The following CADM2 variants were observed in gnomAD, a reference collection of about 807,000 sequenced individuals.
CADM2 encodes the protein cell adhesion molecule 2, also known as immunoglobulin superfamily member 4D.
Under a neutral mutation model 49.8 loss-of-function variants are expected in CADM2, and 12 were observed. The observed-to-expected ratio is 0.24, with a 90% CI of 0.15 to 0.39. CADM2 has a LOEUF of 0.39. CADM2 is among the 10% of genes least tolerant of loss of function. CADM2 has a pLI of 1.00. For synonymous variants in CADM2, 214 were observed against 175.4 expected (o/e 1.22, Z -1.74); for missense variants, 378 against 492.3 (o/e 0.77, Z 2.20).
At chr3:85,021,230 T>TA (rs1304650232) in intron 1 of CADM2, among the ~76,000 whole-genome samples, 3 of 152,038 alleles carry the variant, frequency 2.0e-5, no homozygotes, top group East Asian at 1.9e-4. Context: ...TGTCGTTTTT[T>TA]AAAAAAAAGA....
chr3:85,653,578 T>C (rs989553006), intron 1 of CADM2, among the ~76,000 whole-genome samples: 14 of 151,838 alleles, frequency 9.2e-5, no homozygotes, highest in Non-Finnish European at 1.9e-4. Context: ...GATCAAGAGA[T>C]TTTTACAATT....
chr3:85,090,124 T>G (rs1269052504), intron 1 of CADM2, among the ~76,000 whole-genome samples: 1 of 152,166 alleles, frequency 6.6e-6, no homozygotes, highest in Non-Finnish European at 1.5e-5. Context: ...AAGGCGTATT[T>G]TGAACATATG....
intron 1 of CADM2, among the ~76,000 whole-genome samples, chr3:85,067,886 A>G (rs1014680259): frequency 1.3e-5 from 2 of 152,186 alleles, no homozygotes; most frequent in Non-Finnish European, 2.9e-5. Flanking sequence ...ACCTTTGTAT[A>G]CAAGGCAATC....
At chr3:85,766,324 A>G (rs1577257425) in intron 2 of CADM2, among the ~76,000 whole-genome samples, 1 of 152,124 alleles carries the variant, frequency 6.6e-6, no homozygotes, top group East Asian at 1.9e-4. Context: ...AGAATGAAAG[A>G]GCTCTCTATT....
chr3:85,736,803 T>C (rs1473599335), intron 2 of CADM2, among the ~76,000 whole-genome samples: 4 of 152,100 alleles, frequency 2.6e-5, no homozygotes, highest in African/African-American at 9.7e-5. Flanking sequence ...AAAAACAGAT[T>C]AGTAGAGACT....
chr3:86,040,640 A>C (rs1041348468), intron 8 of CADM2, among the ~76,000 whole-genome samples: 5 of 152,178 alleles, frequency 3.3e-5, no homozygotes, highest in African/African-American at 4.8e-5. Context: ...AGAATGGAAC[A>C]AAGTTGGAAA....
intron 7 of CADM2, among the ~76,000 whole-genome samples, chr3:85,945,457 C>T (rs970658200): frequency 2.0e-5 from 3 of 151,990 alleles, no homozygotes; most frequent in Non-Finnish European, 2.9e-5. Context: ...ATACCAAAGC[C>T]GGGCAGAGAC....
chr3:85,259,659 A>T (rs2042969317), intron 1 of CADM2, among the ~76,000 whole-genome samples: 1 of 152,158 alleles, frequency 6.6e-6, no homozygotes, highest in African/African-American at 2.4e-5. Context: ...TACTAGCAAG[A>T]TGAAGTGGAG....
chr3:85,869,581 T>G (rs1331978642), intron 3 of CADM2, among the ~76,000 whole-genome samples: 1 of 152,118 alleles, frequency 6.6e-6, no homozygotes, highest in Non-Finnish European at 1.5e-5. Flanking sequence ...CTAACAGAGC[T>G]CTGTACAACC....
At chr3:85,349,213 C>A (rs1380946912) in intron 1 of CADM2, among the ~76,000 whole-genome samples, 1 of 152,134 alleles carries the variant, frequency 6.6e-6, no homozygotes, top group Non-Finnish European at 1.5e-5. Context: ...ACAGCCTCTC[C>A]GCGTTTATTA....
At chr3:85,949,185 C>A (rs1723096188) in intron 7 of CADM2, among the ~76,000 whole-genome samples, 1 of 150,902 alleles carries the variant, frequency 6.6e-6, no homozygotes, top group Non-Finnish European at 1.5e-5. Context: ...GTTACAAAAT[C>A]AATTTATATG....
intron 1 of CADM2, among the ~76,000 whole-genome samples, chr3:85,588,644 A>AT (rs974731171): frequency 1.4e-4 from 21 of 151,930 alleles, no homozygotes; most frequent in African/African-American, 4.8e-4. Flanking sequence ...CTGTGTACTG[A>AT]TTTTTTTATG....
At chr3:85,213,754 A>C (rs61625828) in intron 1 of CADM2, among the ~76,000 whole-genome samples, 26,646 of 151,700 alleles carry the variant, frequency 0.18, 4,447 homozygotes, top group African/African-American at 0.44. Flanking sequence ...ATGTTTCATT[A>C]TTTTTTATAC....
At chr3:85,711,012 T>C (rs1228219463) in intron 1 of CADM2, among the ~76,000 whole-genome samples, 1 of 152,146 alleles carries the variant, frequency 6.6e-6, no homozygotes, top group Non-Finnish European at 1.5e-5. Flanking sequence ...ATTTGACTAT[T>C]TGAAAATCCT....
In CADM2 at chr3:85,346,147, C is replaced by T. The variant is rs146321831; in HGVS notation, c.62-380375C>T. Among the ~76,000 whole-genome samples the T allele has an allele frequency of 8.7e-3, 1,324 of 152,116 alleles. 16 individuals carry two copies. Among genetic ancestry groups the T allele is most frequent in the African/African-American group, 0.031 (1,275 of 41,512 alleles). ...GATATTTCAGCCAGGTATGGAAAAC[C>T]GAACTTGTGTTGAAAGGAAATGCAG... On this transcript the variant is annotated intron_variant, in intron 1 of 9. Transcript: ENST00000383699.
chr3:85,142,812 C>T (rs575411872), intron 1 of CADM2, among the ~76,000 whole-genome samples: 16 of 152,154 alleles, frequency 1.1e-4, no homozygotes, highest in East Asian at 1.9e-4. Context: ...TGAGAATTCC[C>T]GCACAGTCTC....
In CADM2 at chr3:85,189,053, T is replaced by TA. The variant is rs1307206622; in HGVS notation, c.61+229388dup. Among the ~76,000 whole-genome samples the TA allele has an allele frequency of 5.2e-3, 620 of 120,344 alleles. 4 individuals carry two copies. The highest frequency in any genetic ancestry group is 0.017 in the African/African-American group (592 of 33,914). The allele number at this position is 120,344 out of a possible 152,430, so 79.0% of individuals were successfully genotyped here. ...CTCAAAAAAATAATAATAGTAATAA[T>TA]AAATAAATAAAATAAATAAATAAAT... On this transcript the variant is annotated intron_variant, in intron 1 of 9. Transcript: ENST00000383699.
At chr3:85,514,205 G>C (rs1354411488) in intron 1 of CADM2, among the ~76,000 whole-genome samples, 1 of 151,812 alleles carries the variant, frequency 6.6e-6, no homozygotes, top group Non-Finnish European at 1.5e-5. Flanking sequence ...TTCTATGTTC[G>C]TCATTGTATT....
At chr3:85,691,877 A>G (rs1258004382) in intron 1 of CADM2, among the ~76,000 whole-genome samples, 1 of 152,166 alleles carries the variant, frequency 6.6e-6, no homozygotes, top group Non-Finnish European at 1.5e-5. Flanking sequence ...TTGCAAGGAC[A>G]AAAAACCAAA....
Sources: allele counts gnomAD v4.1 joint callset (sites outside exome capture counted in the v4.1 genomes callset), GRCh38; gene constraint gnomAD v4.1.1; transcripts MANE v1.5; gene names NCBI Gene and HGNC (gene_info 2026-07-23, HGNC 2026-07-21).